XRCC4: variants seen among roughly 807,000 people sequenced by gnomAD.
XRCC4 encodes X-ray repair cross complementing 4, also known as DNA repair protein XRCC4.
Under a neutral mutation model 39.1 loss-of-function variants are expected in XRCC4, and 28 were observed. That is an observed-to-expected ratio of 0.72 (90% CI 0.53 to 0.98). The LOEUF (loss-of-function observed/expected upper bound fraction) is 0.98. Ranked by LOEUF, XRCC4 falls within the 50% of genes least tolerant of loss-of-function variation. XRCC4 has a pLI of 0.00. For synonymous variants in XRCC4, 123 were observed against 126.4 expected (o/e 0.97, Z 0.18); for missense variants, 350 against 376.4 (o/e 0.93, Z 0.58).
chr5:83,211,869 A>C (rs905204590), intron 6 of XRCC4, among the ~76,000 whole-genome samples: 2 of 152,198 alleles, frequency 1.3e-5, no homozygotes, highest in African/African-American at 4.8e-5. Context: ...AACAGTAGCA[A>C]ACTTCAGAAG....
At chr5:83,294,158 T>TATC (rs1369361431) in intron 7 of XRCC4, among the ~76,000 whole-genome samples, 1 of 152,008 alleles carries the variant, frequency 6.6e-6, no homozygotes, top group African/African-American at 2.4e-5. Flanking sequence ...TTTTCAATAC[T>TATC]ATCTGTTGGT....
intron 3 of XRCC4, among the ~76,000 whole-genome samples, chr5:83,167,184 C>T (rs1749523087): frequency 6.6e-6 from 1 of 151,844 alleles, no homozygotes; most frequent in South Asian, 2.1e-4. Flanking sequence ...ACCCAGCCCT[C>T]ATTATGGTTT....
intron 3 of XRCC4, among the ~76,000 whole-genome samples, chr5:83,180,962 TA>T (rs971338373): frequency 6.6e-6 from 1 of 151,538 alleles, no homozygotes; most frequent in African/African-American, 2.4e-5. Context: ...CATGATAATT[TA>T]AAAAGTCAAA....
At chr5:83,156,283 A>AT (rs35796754) in intron 3 of XRCC4, among the ~76,000 whole-genome samples, 7,429 of 137,280 alleles carry the variant, frequency 0.054, 239 homozygotes, top group African/African-American at 0.1. Flanking sequence ...TTGCCTAAGT[A>AT]TTTTTTTTTT....
intron 3 of XRCC4, among the ~76,000 whole-genome samples, chr5:83,147,679 A>T (rs868799409): frequency 2.2e-4 from 18 of 81,044 alleles, no homozygotes; most frequent in South Asian, 2.1e-3. Flanking sequence ...ATTCTTGAAA[A>T]TCACTAAGAG....
At chr5:83,335,495 G>A (rs1756567205) in intron 7 of XRCC4, among the ~76,000 whole-genome samples, 1 of 151,934 alleles carries the variant, frequency 6.6e-6, no homozygotes, top group Non-Finnish European at 1.5e-5. Flanking sequence ...CCTGTCATTA[G>A]ATTTAGAACT....
chr5:83,087,282 A>G (rs1400690621), intron 1 of XRCC4, among the ~76,000 whole-genome samples: 1 of 152,080 alleles, frequency 6.6e-6, no homozygotes, highest in Admixed American at 6.6e-5. Context: ...GCGCCACTGC[A>G]CTCCAGCCTG....
the XRCC4 span, among the ~76,000 whole-genome samples, chr5:83,367,489 C>A: frequency 6.6e-6 from 1 of 152,184 alleles, no homozygotes; most frequent in Non-Finnish European, 1.5e-5. Flanking sequence ...GACCTTAGGC[C>A]TCTGCTCCTT....
chr5:83,328,689 C>G (rs938421500), intron 7 of XRCC4, among the ~76,000 whole-genome samples: 35 of 152,004 alleles, frequency 2.3e-4, no homozygotes, highest in Non-Finnish European at 4.9e-4. Flanking sequence ...TAAGAATAAC[C>G]AAAGCAATTC....
chr5:83,251,772 A>G (rs1290977815), intron 6 of XRCC4, among the ~76,000 whole-genome samples: 1 of 152,108 alleles, frequency 6.6e-6, no homozygotes, highest in Non-Finnish European at 1.5e-5. Context: ...TGGCTAAGAG[A>G]GGAGGCTGAC....
intron 6 of XRCC4, among the ~76,000 whole-genome samples, chr5:83,217,358 CAAA>C (rs59416363): frequency 2.1e-5 from 2 of 96,168 alleles, no homozygotes; most frequent in African/African-American, 4.7e-5. Flanking sequence ...GACTCCGTCT[CAAA>C]AAAAAAAAAA....
chr5:83,233,103 A>T (rs1489635546), intron 6 of XRCC4, among the ~76,000 whole-genome samples: 2 of 152,208 alleles, frequency 1.3e-5, no homozygotes, highest in African/African-American at 4.8e-5. Context: ...TGTAAAGAAT[A>T]TTGAAGCCAA....
chr5:83,127,245 A>G (rs1747314556), intron 3 of XRCC4, among the ~76,000 whole-genome samples: 1 of 152,134 alleles, frequency 6.6e-6, no homozygotes, highest in South Asian at 2.1e-4. Context: ...TTGTGTGTGG[A>G]AAACTTAACC....
intron 3 of XRCC4, among the ~76,000 whole-genome samples, chr5:83,184,170 A>G (rs1750329852): frequency 6.6e-6 from 1 of 152,108 alleles, no homozygotes; most frequent in African/African-American, 2.4e-5. Context: ...AAGAAACCAA[A>G]CATAAAATTA....
At chr5:83,158,106 C>G (rs560903275) in intron 3 of XRCC4, among the ~76,000 whole-genome samples, 1 of 151,986 alleles carries the variant, frequency 6.6e-6, no homozygotes, top group African/African-American at 2.4e-5. Flanking sequence ...GATTTTATCT[C>G]TTGAAAATAA....
chr5:83,315,611 G>T (rs577020496), intron 7 of XRCC4, among the ~76,000 whole-genome samples: 4 of 152,052 alleles, frequency 2.6e-5, no homozygotes, highest in Admixed American at 2.6e-4. Context: ...AAAATCCTAG[G>T]GCCCTTCAGA....
At chr5:83,196,591 A>T (rs539716154) in intron 4 of XRCC4, among the ~76,000 whole-genome samples, 1 of 152,040 alleles carries the variant, frequency 6.6e-6, no homozygotes, top group African/African-American at 2.4e-5. Flanking sequence ...CTATTAGTAT[A>T]AGATATTTGA....
chr5:83,329,570 A>C (rs1198286386), intron 7 of XRCC4, among the ~76,000 whole-genome samples: 2 of 152,176 alleles, frequency 1.3e-5, no homozygotes, highest in East Asian at 1.9e-4. Context: ...GTACAAGAGA[A>C]ACTTTTCAGT....
intron 4 of XRCC4, among the ~76,000 whole-genome samples, chr5:83,196,286 GAAATA>G (rs1359649697): frequency 6.6e-6 from 1 of 151,966 alleles, no homozygotes; most frequent in Non-Finnish European, 1.5e-5. Flanking sequence ...AAAGAGACAT[GAAATA>G]AAATAAGCAT....
Sources: allele counts gnomAD v4.1 joint callset (sites outside exome capture counted in the v4.1 genomes callset), GRCh38; gene constraint gnomAD v4.1.1; transcripts MANE v1.5; gene names NCBI Gene and HGNC (gene_info 2026-07-23, HGNC 2026-07-21).